Variants in COL24A1 observed in about 807,000 individuals in gnomAD.
The protein encoded by COL24A1 is collagen type XXIV alpha 1 chain.
In COL24A1, 224 loss-of-function variants were observed where a neutral mutation model predicts 253.9. The ratio of observed to expected loss-of-function variants is 0.88; its 90% confidence interval spans 0.79 to 0.99. The LOEUF (loss-of-function observed/expected upper bound fraction) is 0.99. COL24A1 is among the 50% of genes least tolerant of loss of function. COL24A1 has a pLI of 0.00. For synonymous variants in COL24A1, 685 were observed against 673.7 expected, an observed-to-expected ratio of 1.02 and a Z score of -0.26; for missense variants, 2,131 against 2,068.5, an observed-to-expected ratio of 1.03 and a Z score of -0.59.
chr1:85,748,552 G>A (rs1364015749), intron 55 of COL24A1, among the ~76,000 whole-genome samples: 3 of 151,598 alleles, frequency 2.0e-5, no homozygotes, highest in Admixed American at 2.0e-4. Flanking sequence ...AATAGGAACA[G>A]CTCCGGTCTA....
At chr1:85,889,731 C>CT (rs367651086) in intron 31 of COL24A1, 118 bp from the exon 32 acceptor site, 27,980 of 626,898 alleles carry the variant, frequency 0.045, 378 homozygotes, top group African/African-American at 0.14. Context: ...TATTGCTATT[C>CT]TTTTTTTTTT....
chr1:85,865,190 C>T (rs1451610880), intron 37 of COL24A1, among the ~76,000 whole-genome samples: 1 of 151,806 alleles, frequency 6.6e-6, no homozygotes, highest in Non-Finnish European at 1.5e-5. Flanking sequence ...CTTTCTCTCA[C>T]TCTCTTTCTT....
At chr1:85,824,549 TGA>T (rs1674011510) in intron 43 of COL24A1, among the ~76,000 whole-genome samples, 1 of 152,178 alleles carries the variant, frequency 6.6e-6, no homozygotes, top group Admixed American at 6.5e-5. Context: ...TTTACTGGGC[TGA>T]AGACTGGGAG....
chr1:86,089,455 T>C (rs1213202265), intron 6 of COL24A1, among the ~76,000 whole-genome samples: 1 of 152,226 alleles, frequency 6.6e-6, no homozygotes, highest in African/African-American at 2.4e-5. Flanking sequence ...CCGTTTTCTC[T>C]GATGTTCTTT....
chr1:86,066,325 G>A (rs1314816219), intron 7 of COL24A1, among the ~76,000 whole-genome samples: 1 of 133,964 alleles, frequency 7.5e-6, no homozygotes, highest in Non-Finnish European at 1.5e-5. Flanking sequence ...TGCAAGCTCC[G>A]CCTCCCGGGT....
At chr1:85,840,014 C>G (rs1676428597) in intron 42 of COL24A1, among the ~76,000 whole-genome samples, 1 of 152,140 alleles carries the variant, frequency 6.6e-6, no homozygotes, top group South Asian at 2.1e-4. Context: ...TTAATTTACT[C>G]TTACGTGGAC....
chr1:85,980,898 G>T (rs905755940), intron 20 of COL24A1, among the ~76,000 whole-genome samples: 1 of 151,830 alleles, frequency 6.6e-6, no homozygotes, highest in Non-Finnish European at 1.5e-5. Context: ...GACAGAGTGA[G>T]ATTCCGAGAC....
chr1:85,778,765 C>T (rs959868201), intron 52 of COL24A1, among the ~76,000 whole-genome samples: 9 of 151,858 alleles, frequency 5.9e-5, no homozygotes, highest in Non-Finnish European at 8.8e-5. Context: ...CCGCCACACC[C>T]GGCTAATTTT....
At chr1:85,848,843 T>A (rs1677432977) in intron 38 of COL24A1, among the ~76,000 whole-genome samples, 1 of 152,206 alleles carries the variant, frequency 6.6e-6, no homozygotes, top group South Asian at 2.1e-4. Context: ...ACTTGCACTG[T>A]CTCACTATGA....
chr1:85,967,209 A>G (rs1005871014), intron 22 of COL24A1, among the ~76,000 whole-genome samples: 2 of 152,294 alleles, frequency 1.3e-5, no homozygotes, highest in East Asian at 1.9e-4. Context: ...GGTTACTTCA[A>G]TCTTCTCAGG....
At chr1:85,972,941 G>T (rs781670832) in intron 20 of COL24A1, among the ~76,000 whole-genome samples, 2 of 152,188 alleles carry the variant, frequency 1.3e-5, no homozygotes, top group Non-Finnish European at 2.9e-5. Flanking sequence ...AAATTGTTTA[G>T]AGTCCTGAAT....
intron 28 of COL24A1, among the ~76,000 whole-genome samples, chr1:85,900,732 A>G (rs1684200817): frequency 6.6e-6 from 1 of 152,024 alleles, no homozygotes; most frequent in Admixed American, 6.6e-5. Flanking sequence ...CAAATAGAAC[A>G]GAAAAGAGAG....
chr1:86,063,674 T>C lies in COL24A1; in HGVS notation c.1752+41A>G, dbSNP rs781156329. ...TCAAAGGAGTTCTCTAACATGTGTC[T>C]TTTTCACACATGATACAAGTCTTAT... On this transcript the variant is annotated intron_variant, in intron 8 of 59. Coordinates refer to ENST00000370571, the MANE Select transcript of COL24A1 (RefSeq NM_152890.7). The C allele has an allele frequency of 4.3e-6, 6 of 1,411,460 alleles. No individual in the cohort carries two copies. In the African/African-American group the frequency reaches 4.4e-5, roughly 10 times the overall value. 87.4% of individuals were successfully genotyped at this position (1,411,460 alleles called of 1,614,324 possible).
chr1:86,001,776 A>G (rs1695439271), intron 19 of COL24A1, among the ~76,000 whole-genome samples: 1 of 152,164 alleles, frequency 6.6e-6, no homozygotes, highest in Admixed American at 6.5e-5. Context: ...CACACAAAGG[A>G]GAGACTAAGA....
rs867756685 is a variant in COL24A1, at chr1:85,990,320, T to C, written c.2311-2666A>G. 2.6e-5 allele frequency among the ~76,000 whole-genome samples: 4 copies of C among 152,332 alleles called. 1 individual carries two copies. In the South Asian group the frequency reaches 8.3e-4, roughly 32 times the overall value. On this transcript the variant is annotated intron_variant, in intron 19 of 59. Transcript: ENST00000370571. ...TCCAACCTTTTTGGCACCAGTTTCA[T>C]GGAAGACAATTTTTCCATAAGATTG...
At chr1:85,864,600 C>T (rs1570972118) in intron 37 of COL24A1, among the ~76,000 whole-genome samples, 1 of 151,998 alleles carries the variant, frequency 6.6e-6, no homozygotes, top group Non-Finnish European at 1.5e-5. Context: ...AAACATATAT[C>T]TTATCATTCT....
chr1:85,902,315 G>A (rs146484736), intron 28 of COL24A1, among the ~76,000 whole-genome samples: 275 of 152,250 alleles, frequency 1.8e-3, no homozygotes, highest in African/African-American at 5.9e-3. Flanking sequence ...ACAATTGAAG[G>A]CTGCAATGGA....
intron 18 of COL24A1, among the ~76,000 whole-genome samples, chr1:86,021,850 G>T (rs1206077321): frequency 4.6e-5 from 7 of 152,102 alleles, no homozygotes; most frequent in Non-Finnish European, 7.4e-5. Flanking sequence ...CCACAAGAGA[G>T]TGCAAACATG....
chr1:86,074,536 TAGAC>T (rs1702114389), intron 7 of COL24A1, among the ~76,000 whole-genome samples: 2 of 152,238 alleles, frequency 1.3e-5, no homozygotes, highest in South Asian at 4.1e-4. Flanking sequence ...CTGTCAATAT[TAGAC>T]AGATCAATGA....
Sources: allele counts gnomAD v4.1 joint callset (sites outside exome capture counted in the v4.1 genomes callset), GRCh38; gene constraint gnomAD v4.1.1; transcripts MANE v1.5; gene names NCBI Gene and HGNC (gene_info 2026-07-23, HGNC 2026-07-21).